TLE7: variants seen among roughly 807,000 people sequenced by gnomAD.
TLE7 encodes the protein transducin-like enhancer protein 7.
At chr16:71,440,495 G>C (rs1305955442) in intron 1 of TLE7, among the ~76,000 whole-genome samples, 1 of 151,926 alleles carries the variant, frequency 6.6e-6, no homozygotes, top group East Asian at 1.9e-4. Flanking sequence ...AAAAAAAATA[G>C]CTAAAGTGTT....
rs1384376482 is a variant in TLE7, at chr16:71,431,558, G to A, written c.856C>T (p.His286Tyr). ...CGGGACCCGTATACAGGAACTTCGT[G>A]CTTCCTGGTGGGTGGGAAAACAACT... ...DLQNQILIRKHEVPVYGSRCV... is the reference protein window; with the variant it reads ...DLQNQILIRKYEVPVYGSRCV... Residue 286 changes from histidine to tyrosine, a missense_variant, in exon 7 of 10, where the codon CAC becomes TAC. Physicochemically the swap from His to Tyr is moderately conservative, Grantham distance 83 (BLOSUM62 2). Coordinates refer to ENST00000561754, the MANE Select transcript of TLE7 (RefSeq NM_001367365.2). The surrounding 1 kb of genome is among the most constrained non-coding windows in gnomAD (Gnocchi z 4.5). 1.0e-5 allele frequency: 4 copies of A among 400,688 alleles called. No homozygotes were observed. The highest frequency in any genetic ancestry group is 1.3e-5 in the Non-Finnish European group (3 of 226,272). The allele number at this position is 400,688 out of a possible 1,614,324, so 24.8% of individuals were successfully genotyped here.
Position 71,431,429 on chromosome 16 carries a change from G to C in TLE7, c.985C>G (p.Gln329Glu). The part of the protein sequence containing the change: ...SYQRLHQHNL[Q>E]NEILSITHDP... ...GGTGGCCAGCCGGGCACCTCATTCT[G>C]TAAGTTGTGTTGGTGCAGCCTCTGG... Residue 329 changes from glutamine to glutamate, a missense_variant, in exon 7 of 10, where the codon CAG becomes GAG. Coordinates refer to ENST00000561754, the MANE Select transcript of TLE7 (RefSeq NM_001367365.2). The surrounding 1 kb of genome is among the most constrained non-coding windows in gnomAD (Gnocchi z 4.5). 1 of 400,816 alleles carries C rather than the reference G, an allele frequency of 2.5e-6. No individual in the cohort carries two copies. Among genetic ancestry groups the C allele is most frequent in the Non-Finnish European group, 4.4e-6 (1 of 226,304 alleles). 24.8% of individuals were successfully genotyped at this position (400,816 alleles called of 1,614,324 possible). A position where few individuals can be genotyped will look rare whatever the true frequency, so the allele number is the denominator to read the frequency against.
At chr16:71,440,159 G>A (rs539686010) in intron 1 of TLE7, among the ~76,000 whole-genome samples, 8 of 152,358 alleles carry the variant, frequency 5.3e-5, no homozygotes, top group African/African-American at 1.7e-4. Flanking sequence ...CCAGTCCTTA[G>A]AGACAGAAAG....
chr16:71,437,461 G>GGGGAA, intron 1 of TLE7, among the ~76,000 whole-genome samples: 1 of 150,738 alleles, frequency 6.6e-6, no homozygotes, highest in Middle Eastern at 3.5e-3. Flanking sequence ...GAAAGAGAAG[G>GGGGAA]GAGAAGAGAA....
At chr16:71,435,995 C>A (rs556499524) in intron 1 of TLE7, among the ~76,000 whole-genome samples, 5 of 152,286 alleles carry the variant, frequency 3.3e-5, no homozygotes, top group Admixed American at 3.3e-4. Context: ...ACAAGGCTTT[C>A]TAGAAAGAGC....
At chr16:71,432,432 C>T in intron 4 of TLE7, 107 bp from the exon 5 acceptor site, 1 of 397,660 alleles carries the variant, frequency 2.5e-6, no homozygotes, top group Non-Finnish European at 4.4e-6. Context: ...ATCCACCCAC[C>T]CAACCGCAGA....
intron 2 of TLE7, 24 bp downstream of exon 2, chr16:71,432,990 G>T: frequency 2.5e-6 from 1 of 399,044 alleles, no homozygotes; most frequent in South Asian, 1.3e-4. Context: ...CACCCCCACT[G>T]AGTCAGGTTC....
intron 8 of TLE7, 126 bp from the exon 9 acceptor site, chr16:71,430,867 A>T (rs998382048): frequency 1.0e-5 from 4 of 397,254 alleles, no homozygotes; most frequent in Middle Eastern, 6.2e-4. Flanking sequence ...AATCAGACAC[A>T]CAACCCAAGC....
intron 1 of TLE7, among the ~76,000 whole-genome samples, chr16:71,439,568 G>A (rs2042839411): frequency 6.6e-6 from 1 of 151,962 alleles, no homozygotes; most frequent in South Asian, 2.1e-4. Flanking sequence ...GGATAGAATG[G>A]GGGGAAGGGA....
chr16:71,438,249 G>A (rs914706086), intron 1 of TLE7, among the ~76,000 whole-genome samples: 2 of 151,800 alleles, frequency 1.3e-5, no homozygotes, highest in East Asian at 1.9e-4. Context: ...CCTGGCCAAC[G>A]TGGTGAAACC....
At chr16:71,441,342 C>T (rs1445907004) in intron 1 of TLE7, among the ~76,000 whole-genome samples, 1 of 152,270 alleles carries the variant, frequency 6.6e-6, no homozygotes. Context: ...GCCTCGGCCT[C>T]CCACAGTGCT....
At chr16:71,435,178 C>T (rs555948969) in intron 1 of TLE7, among the ~76,000 whole-genome samples, 3 of 152,220 alleles carry the variant, frequency 2.0e-5, no homozygotes, top group South Asian at 4.2e-4. Flanking sequence ...TTTGGGAGGC[C>T]GAGGCAGGCA....
intron 1 of TLE7, among the ~76,000 whole-genome samples, chr16:71,435,926 A>G (rs370646560): frequency 9.8e-5 from 15 of 152,344 alleles, no homozygotes; most frequent in African/African-American, 3.6e-4. Flanking sequence ...AAAAGCAGTG[A>G]AACTATTTAA....
chr16:71,440,178 T>C (rs768703990), intron 1 of TLE7, among the ~76,000 whole-genome samples: 14 of 152,190 alleles, frequency 9.2e-5, no homozygotes, highest in Admixed American at 2.0e-4. Flanking sequence ...AGCAGGTTAG[T>C]GGTTGCCAGG....
At chr16:71,438,161 A>G (rs1888438824) in intron 1 of TLE7, among the ~76,000 whole-genome samples, 1 of 152,162 alleles carries the variant, frequency 6.6e-6, no homozygotes, top group Non-Finnish European at 1.5e-5. Flanking sequence ...GGCCGGACAC[A>G]GTGGTTCACA....
chr16:71,437,302 T>C (rs1366570400), intron 1 of TLE7, among the ~76,000 whole-genome samples: 1 of 145,058 alleles, frequency 6.9e-6, no homozygotes, highest in African/African-American at 2.6e-5. Context: ...TGAGCTGAGA[T>C]TGCGCCACTG....
chr16:71,439,100 G>A (rs908268405), intron 1 of TLE7, among the ~76,000 whole-genome samples: 1 of 152,202 alleles, frequency 6.6e-6, no homozygotes, highest in African/African-American at 2.4e-5. Context: ...TGGGCCCACA[G>A]AGCTGACCAT....
At chr16:71,436,593 G>T (rs997773273) in intron 1 of TLE7, among the ~76,000 whole-genome samples, 6 of 152,224 alleles carry the variant, frequency 3.9e-5, no homozygotes, top group African/African-American at 1.4e-4. Context: ...GCCAGCGTCT[G>T]TGCAAAGATG....
rs1343539138 is a variant in TLE7 at position 71,430,111 on chromosome 16, G to A, written c.*151C>T. Among the ~76,000 whole-genome samples the A allele has an allele frequency of 2.0e-5, 3 of 152,238 alleles. 1 individual carries two copies. The highest frequency in any genetic ancestry group is 7.2e-5 in the African/African-American group (3 of 41,454). ...ATCTGATTAAAATCTGGGAGTGCAG[G>A]CTGAGAGCGGGCTACTGGAGGGGAG... is the stretch of plus-strand genomic sequence containing the variant. On this transcript the variant is annotated 3_prime_UTR_variant, in exon 10 of 10. Transcript: ENST00000561754.
Sources: gnomAD v4.1 joint callset for allele counts (sites outside exome capture counted in the v4.1 genomes callset) on GRCh38, gnomAD v4.1.1 for gene constraint, Gnocchi (gnomAD v3.1) non-coding constraint, MANE v1.5 for transcripts, NCBI Gene and HGNC (gene_info 2026-07-23, HGNC 2026-07-21) for gene names.